The following UBTD1 variants were observed in gnomAD, a reference collection of about 807,000 sequenced individuals.
UBTD1 encodes ubiquitin domain-containing protein 1.
Under a neutral mutation model 21.7 loss-of-function variants are expected in UBTD1, and 19 were observed. That is an observed-to-expected ratio of 0.87 (90% confidence interval 0.61 to 1.28). UBTD1 has a LOEUF of 1.28. Ranked by LOEUF, UBTD1 falls within the 50% of genes most tolerant of loss-of-function variation. UBTD1 has a pLI of 0.00. For missense variants in UBTD1, 282 were observed against 315.1 expected, an observed-to-expected ratio of 0.89 and a Z score of 0.80; for synonymous variants, 116 against 135.1, an observed-to-expected ratio of 0.86 and a Z score of 0.98.
In UBTD1 at chr10:97,567,990, C is replaced by T; in HGVS notation, c.147C>T (p.Ser49=). ...DYPMTDGQLR[S]KRDEFWDTAP... is the part of the protein sequence containing the mutation. ...CCATGACTGACGGGCAGCTGCGGAG[C>T]AAACGGGATGAGTTCTGGGACACAG... The change falls in exon 2 of 3, where the codon AGC becomes AGT. Residue 49 remains serine (S), a synonymous_variant. Transcript: ENST00000370664. 5 of 1,614,158 alleles carry T rather than the reference C, an allele frequency of 3.1e-6. No individual in the cohort carries two copies. The highest frequency in any genetic ancestry group is 4.2e-6 in the Non-Finnish European group (5 of 1,180,048).
intron 1 of UBTD1, among the ~76,000 whole-genome samples, chr10:97,509,370 T>C (rs1372601625): frequency 1.3e-5 from 2 of 152,218 alleles, no homozygotes; most frequent in East Asian, 3.8e-4. Context: ...TTTAGAGTAG[T>C]GAAGCGTGAA....
At chr10:97,539,210 G>A (rs1262896214) in intron 1 of UBTD1, among the ~76,000 whole-genome samples, 1 of 152,170 alleles carries the variant, frequency 6.6e-6, no homozygotes, top group Non-Finnish European at 1.5e-5. Context: ...TGTCAGGAGG[G>A]ATGGGCAGGG....
intron 1 of UBTD1, among the ~76,000 whole-genome samples, chr10:97,500,299 A>C (rs2040360075): frequency 1.3e-5 from 2 of 152,214 alleles, no homozygotes; most frequent in South Asian, 4.1e-4. Flanking sequence ...CTCTAGTTGG[A>C]GTTTCCTGTC....
chr10:97,553,633 C>A (rs1397860797), intron 1 of UBTD1, among the ~76,000 whole-genome samples: 2 of 152,116 alleles, frequency 1.3e-5, no homozygotes, highest in Admixed American at 1.3e-4. Context: ...TTTTGTACAG[C>A]GTTTGACCCA....
At chr10:97,558,803 C>T (rs978439620) in intron 1 of UBTD1, among the ~76,000 whole-genome samples, 5 of 152,140 alleles carry the variant, frequency 3.3e-5, no homozygotes, top group Admixed American at 6.5e-5. Context: ...CCTTGCGGGG[C>T]TTCGATTGCA....
chr10:97,513,505 T>C (rs2040430876), intron 1 of UBTD1, among the ~76,000 whole-genome samples: 1 of 152,116 alleles, frequency 6.6e-6, no homozygotes, highest in African/African-American at 2.4e-5. Flanking sequence ...ATAGGACAGA[T>C]ATTGGAAGTA....
At chr10:97,546,935 GTCTC>G (rs1180952093) in intron 1 of UBTD1, among the ~76,000 whole-genome samples, 1 of 151,884 alleles carries the variant, frequency 6.6e-6, no homozygotes, top group Non-Finnish European at 1.5e-5. Context: ...CTCTGTCTCC[GTCTC>G]TCTCTCGGGA....
intron 1 of UBTD1, among the ~76,000 whole-genome samples, chr10:97,523,083 C>T (rs1280426970): frequency 6.6e-6 from 1 of 152,184 alleles, no homozygotes; most frequent in Non-Finnish European, 1.5e-5. Flanking sequence ...CCTCTTCGGG[C>T]TGTGCACCCA....
At chr10:97,551,082 C>T (rs2040634852) in intron 1 of UBTD1, among the ~76,000 whole-genome samples, 7 of 152,122 alleles carry the variant, frequency 4.6e-5, no homozygotes, top group Admixed American at 4.6e-4. Flanking sequence ...AAGTACATAC[C>T]CCAGCCCAGC....
chr10:97,533,202 G>A (rs1344648868), intron 1 of UBTD1, among the ~76,000 whole-genome samples: 3 of 152,226 alleles, frequency 2.0e-5, no homozygotes, highest in African/African-American at 7.2e-5. Flanking sequence ...GCTGGGAGCT[G>A]AGCCCATAGG....
intron 1 of UBTD1, among the ~76,000 whole-genome samples, chr10:97,511,906 A>G (rs1454838304): frequency 6.6e-6 from 1 of 152,184 alleles, no homozygotes; most frequent in African/African-American, 2.4e-5. Flanking sequence ...ACAGATGAGG[A>G]AACTGAGGCT....
intron 1 of UBTD1, among the ~76,000 whole-genome samples, chr10:97,551,564 G>A (rs1238356997): frequency 6.6e-6 from 1 of 152,154 alleles, no homozygotes; most frequent in Non-Finnish European, 1.5e-5. Context: ...TCTAGGACAG[G>A]AGATGTAAGT....
intron 1 of UBTD1, among the ~76,000 whole-genome samples, chr10:97,544,687 A>C (rs181535276): frequency 2.0e-5 from 3 of 152,348 alleles, no homozygotes; most frequent in Middle Eastern, 3.4e-3. Context: ...TAGAGAAAAA[A>C]AAATGTTATT....
intron 1 of UBTD1, among the ~76,000 whole-genome samples, chr10:97,562,507 C>T (rs2040697534): frequency 6.6e-6 from 1 of 151,934 alleles, no homozygotes; most frequent in Admixed American, 6.6e-5. Context: ...AGTACATTCT[C>T]AAGGGAGGGG....
chr10:97,570,678 G>A lies in UBTD1; in HGVS notation c.*155G>A, dbSNP rs1007163148. On this transcript the variant is annotated 3_prime_UTR_variant, in exon 3 of 3. Coordinates refer to ENST00000370664, the MANE Select transcript of UBTD1 (RefSeq NM_024954.5). The surrounding 1 kb of genome is among the most constrained non-coding windows in gnomAD (Gnocchi z 6.6). ...GACCCTGCCTTTCAGGGCACTACGC[G>A]CCACCAGTTCCCGGTACCCAGGGAG... 1.6e-5 allele frequency: 15 copies of A among 914,102 alleles called. No homozygotes were observed. Among genetic ancestry groups the A allele is most frequent in the African/African-American group, 8.3e-5 (5 of 59,952 alleles). The allele number at this position is 914,102 out of a possible 1,614,324, so 56.6% of individuals were successfully genotyped here.
intron 1 of UBTD1, among the ~76,000 whole-genome samples, chr10:97,503,307 G>A (rs2040385577): frequency 6.6e-6 from 1 of 152,248 alleles, no homozygotes; most frequent in Admixed American, 6.5e-5. Context: ...TGTATGCTTC[G>A]GAGAATACTT....
chr10:97,515,289 TGA>T (rs2040439369), intron 1 of UBTD1, among the ~76,000 whole-genome samples: 1 of 152,234 alleles, frequency 6.6e-6, no homozygotes, highest in Admixed American at 6.5e-5. Flanking sequence ...TGTGTGTGGC[TGA>T]GTTACACATT....
At chr10:97,516,863 G>A (rs1402370168) in intron 1 of UBTD1, among the ~76,000 whole-genome samples, 1 of 152,160 alleles carries the variant, frequency 6.6e-6, no homozygotes, top group Non-Finnish European at 1.5e-5. Flanking sequence ...TGGGGGGAGT[G>A]GGGACCAACC....
chr10:97,518,358 C>G (rs1185500636), intron 1 of UBTD1, among the ~76,000 whole-genome samples: 1 of 152,174 alleles, frequency 6.6e-6, no homozygotes, highest in Admixed American at 6.5e-5. Context: ...TGCCCCTCCC[C>G]GAGGACAAGG....
Sources: allele counts gnomAD v4.1 joint callset (sites outside exome capture counted in the v4.1 genomes callset), GRCh38; gene constraint gnomAD v4.1.1; non-coding constraint Gnocchi (gnomAD v3.1); transcripts MANE v1.5; gene names NCBI Gene and HGNC (gene_info 2026-07-23, HGNC 2026-07-21).